Variants in SLC30A6 observed in about 807,000 individuals in gnomAD.
SLC30A6 encodes the protein solute carrier family 30 member 6.
SLC30A6 carries 55 observed loss-of-function variants against 63.0 expected under a neutral mutation model. The ratio of observed to expected loss-of-function variants is 0.87; its 90% CI spans 0.70 to 1.09. The LOEUF (loss-of-function observed/expected upper bound fraction) is 1.09. Among genes scored for constraint, SLC30A6 ranks in the 50% least tolerant of loss-of-function variants. The pLI, the probability that SLC30A6 is intolerant of heterozygous loss-of-function variation, is 0.00. For synonymous variants in SLC30A6, 224 were observed against 186.1 expected, an observed-to-expected ratio of 1.20 and a Z score of -1.66; for missense variants, 587 against 549.2, an observed-to-expected ratio of 1.07 and a Z score of -0.69.
chr2:32,203,314 A>G lies in SLC30A6; in HGVS notation c.666-1276A>G, dbSNP rs551672500. On this transcript the variant is annotated intron_variant, in intron 10 of 13. Coordinates refer to ENST00000282587, the MANE Select transcript of SLC30A6 (RefSeq NM_017964.5). ...GAGGTCAACTAAGATATGTGGAACA[A>G]AAAGTAGGAATTACTTTTAAATGTG... 30 of 926,018 alleles carry G rather than the reference A, an allele frequency of 3.2e-5. No homozygotes were observed. In the African/African-American group the frequency reaches 4.5e-4, roughly 14 times the overall value. The allele number at this position is 926,018 out of a possible 1,614,324, so 57.4% of individuals were successfully genotyped here. A position where few individuals can be genotyped will look rare whatever the true frequency, so the allele number is the denominator to read the frequency against.
chr2:32,208,593 T>C (rs1684987215), intron 12 of SLC30A6, among the ~76,000 whole-genome samples: 1 of 151,910 alleles, frequency 6.6e-6, no homozygotes, highest in South Asian at 2.1e-4. Flanking sequence ...TGCTGTGATT[T>C]TTTTTTTTTT....
At chr2:32,214,585 T>A (rs944658977) in intron 13 of SLC30A6, 31 of 152,330 alleles carry the variant, frequency 2.0e-4, no homozygotes, top group African/African-American at 7.2e-4. Context: ...TTAATTGCGT[T>A]AATGACATTG....
chr2:32,203,390 A>T (rs1483292219), intron 10 of SLC30A6: 4 of 1,125,304 alleles, frequency 3.6e-6, no homozygotes. Context: ...CACGGATGCC[A>T]TAAGGTCTCT....
intron 13 of SLC30A6, among the ~76,000 whole-genome samples, chr2:32,216,301 C>T (rs921542183): frequency 1.1e-4 from 17 of 151,978 alleles, no homozygotes; most frequent in African/African-American, 2.7e-4. Flanking sequence ...TTTGGGAGGC[C>T]GAGGCAGGCA....
intron 7 of SLC30A6, among the ~76,000 whole-genome samples, chr2:32,193,333 G>T (rs1683504283): frequency 6.6e-6 from 1 of 152,096 alleles, no homozygotes; most frequent in Non-Finnish European, 1.5e-5. Flanking sequence ...CCAGCACTTT[G>T]GGAGGCTAAG....
intron 4 of SLC30A6, among the ~76,000 whole-genome samples, chr2:32,177,944 A>ATTT (rs1042062133): frequency 8.3e-5 from 10 of 120,460 alleles, no homozygotes; most frequent in Non-Finnish European, 8.9e-5. Flanking sequence ...TTTTGAGTTA[A>ATTT]TTTTTTTTTT....
intron 2 of SLC30A6, among the ~76,000 whole-genome samples, chr2:32,172,224 T>G (rs771387069): frequency 6.6e-6 from 1 of 152,234 alleles, no homozygotes; most frequent in South Asian, 2.1e-4. Flanking sequence ...TGATGACTTT[T>G]AAGTAAAGCC....
chr2:32,193,599 A>G (rs1683529547), intron 7 of SLC30A6, among the ~76,000 whole-genome samples: 1 of 152,206 alleles, frequency 6.6e-6, no homozygotes, highest in Non-Finnish European at 1.5e-5. Context: ...TGTCCAGTAT[A>G]TCGTAAAACA....
intron 4 of SLC30A6, among the ~76,000 whole-genome samples, chr2:32,175,747 G>A (rs557172582): frequency 1.3e-5 from 2 of 152,254 alleles, no homozygotes; most frequent in South Asian, 2.1e-4. Context: ...AGGCCGAGGC[G>A]GGTGGATCAC....
chr2:32,219,982 C>G (rs537609292), intron 13 of SLC30A6, among the ~76,000 whole-genome samples: 3 of 152,196 alleles, frequency 2.0e-5, no homozygotes, highest in African/African-American at 7.2e-5. Context: ...ATATTCCTAT[C>G]TTGTTCCTAC....
intron 8 of SLC30A6, among the ~76,000 whole-genome samples, chr2:32,195,744 G>A (rs1280842389): frequency 6.6e-6 from 1 of 151,648 alleles, no homozygotes; most frequent in Non-Finnish European, 1.5e-5. Context: ...GTCTACCTGT[G>A]TTACCCAGGC....
intron 11 of SLC30A6, among the ~76,000 whole-genome samples, chr2:32,205,643 A>C (rs1684689887): frequency 6.7e-6 from 1 of 149,936 alleles, no homozygotes; most frequent in Admixed American, 6.7e-5. Flanking sequence ...TTATTTTTCA[A>C]GTGAAAAGAA....
rs373184029 is a variant in SLC30A6 at position 32,220,554 on chromosome 2, T to C, written c.1227T>C (p.Tyr409=). Residue 409 remains tyrosine (Y), a synonymous_variant, in exon 14 of 14, where the codon TAT becomes TAC. Transcript: ENST00000282587. ...TTCTAAACACACAAACAAGGCCTTA[T>C]GGTTTTGGTCTCAATCATGGACACA... ...VILLNTQTRP[Y]GFGLNHGHTP... 21 of 1,614,066 alleles carry C rather than the reference T, an allele frequency of 1.3e-5. No individual in the cohort carries two copies. The highest frequency in any genetic ancestry group is 5.0e-5 in the Admixed American group (3 of 60,000).
In SLC30A6 at chr2:32,197,354, G is replaced by A. The variant is rs762541454; in HGVS notation, c.507G>A (p.Thr169=). The part of the protein sequence containing the change: ...PFAYVSEAAS[T]SWLQEHVADL... ...ATTTTCTTCTTAAAGCTGCTAGTACGAGCTGGCTTCAAGAGCATGTTGCAG... is the reference window on the plus strand; with the variant it reads ...ATTTTCTTCTTAAAGCTGCTAGTACAAGCTGGCTTCAAGAGCATGTTGCAG... The change falls in exon 9 of 14, where the codon ACG becomes ACA. Residue 169 remains threonine, a synonymous_variant. Transcript: ENST00000282587. 6.2e-6 allele frequency: 10 copies of A among 1,613,098 alleles called. No homozygotes were observed. Among genetic ancestry groups the A allele is most frequent in the East Asian group, 4.5e-5 (2 of 44,816 alleles).
At chr2:32,189,030 CTT>C (rs1445259751) in intron 5 of SLC30A6, among the ~76,000 whole-genome samples, 1 of 152,108 alleles carries the variant, frequency 6.6e-6, no homozygotes, top group African/African-American at 2.4e-5. Flanking sequence ...ATTTAGATGA[CTT>C]TCACTTTTTA....
rs6716179 is a variant in SLC30A6, at chr2:32,168,007, C to T, written c.3+2104C>T. ...CACCCTAATTCCCAGAGCTTTGTAG[C>T]GTGCCTGGCCCAGAGGAAGTTTTCA... On this transcript the variant is annotated intron_variant, in intron 1 of 13. Transcript: ENST00000282587. Among the ~76,000 whole-genome samples, 46 of 152,016 alleles carry T rather than the reference C, an allele frequency of 3.0e-4. No individual in the cohort carries two copies. In the East Asian group the frequency reaches 8.1e-3, roughly 27 times the overall value.
intron 10 of SLC30A6, chr2:32,201,579 G>A: frequency 7.2e-7 from 1 of 1,392,228 alleles, no homozygotes; most frequent in South Asian, 1.3e-5. Flanking sequence ...TGTGCCCGGA[G>A]GGAGGCAGCA....
At chr2:32,187,050 T>C (rs556643663) in intron 5 of SLC30A6, 2 of 258,822 alleles carry the variant, frequency 7.7e-6, no homozygotes, top group South Asian at 6.4e-5. Context: ...GGGGAAAAAA[T>C]GGGAGGACTT....
chr2:32,166,306 A>G (rs1331043183), intron 1 of SLC30A6, among the ~76,000 whole-genome samples: 15 of 41,576 alleles, frequency 3.6e-4, no homozygotes, highest in Non-Finnish European at 5.0e-4. Context: ...CGCCAGCGGA[A>G]AAAAAAAAAA....
Sources: allele counts gnomAD v4.1 joint callset (sites outside exome capture counted in the v4.1 genomes callset), GRCh38; gene constraint gnomAD v4.1.1; transcripts MANE v1.5; gene names NCBI Gene and HGNC (gene_info 2026-07-23, HGNC 2026-07-21).